The following PCDHA4 variants were observed in gnomAD, a reference collection of about 807,000 sequenced individuals.
PCDHA4 encodes the protein protocadherin alpha-4.
Under a neutral mutation model 61.4 loss-of-function variants are expected in PCDHA4, and 49 were observed. That is an observed-to-expected ratio of 0.80 (90% CI 0.63 to 1.01). The LOEUF (loss-of-function observed/expected upper bound fraction) is 1.01. PCDHA4 is among the 50% of genes least tolerant of loss of function. The pLI is 0.00. For synonymous variants in PCDHA4, 590 were observed against 550.3 expected (o/e 1.07, Z -1.01); for missense variants, 1,254 against 1,235.8 (o/e 1.01, Z -0.22).
intron 1 of PCDHA4, chr5:140,857,554 G>C: frequency 1.3e-6 from 2 of 1,596,880 alleles, no homozygotes; most frequent in Non-Finnish European, 1.7e-6. Flanking sequence ...GCGAGCGCTC[G>C]CTGTCGAGCT....
At chr5:140,883,522 A>G in intron 1 of PCDHA4, 1 of 1,614,220 alleles carries the variant, frequency 6.2e-7, no homozygotes, top group Middle Eastern at 1.7e-4. Flanking sequence ...GCGAGAGCGT[A>G]TCAGCCTATG....
chr5:140,871,692 C>T, intron 1 of PCDHA4: 1 of 997,192 alleles, frequency 1.0e-6, no homozygotes, highest in Non-Finnish European at 1.4e-6. Flanking sequence ...AATCTGGCTT[C>T]TTTAACCAAT....
At chr5:140,851,402 T>C (rs2042052947) in intron 1 of PCDHA4, 2 of 969,750 alleles carry the variant, frequency 2.1e-6, no homozygotes. Flanking sequence ...ATTATTTTAA[T>C]AAGAAAGAAA....
In PCDHA4 at chr5:140,929,533, A is replaced by G; in HGVS notation, c.2386-49416A>G. 8.5e-6 allele frequency: 5 copies of G among 588,644 alleles called. No individual in the cohort carries two copies. The East Asian group carries it at 1.3e-4, about 16-fold the overall frequency. The allele number at this position is 588,644 out of a possible 1,614,324, so 36.5% of individuals were successfully genotyped here. The stretch of plus-strand genomic sequence containing the variant: ...AAGGGACTTATAGTTTATTTTTGAG[A>G]AACAAGGGCAAAAATTAAAACCTAT... On this transcript the variant is annotated intron_variant, in intron 1 of 3. Coordinates refer to ENST00000530339, the MANE Select transcript of PCDHA4 (RefSeq NM_018907.4).
Position 140,904,868 on chromosome 5 carries a change from C to T in PCDHA4, c.2386-74081C>T, listed in dbSNP as rs188578381. 2.9e-3 allele frequency among the ~76,000 whole-genome samples: 446 copies of T among 152,022 alleles called. 2 individuals are homozygous for T. Among genetic ancestry groups the T allele is most frequent in the Middle Eastern group, 0.014 (4 of 294 alleles). Reference sequence around the variant, plus strand: ...TCTTCTGAGAATTGTCTGTTTATGTCCTTAGCTCACTTTTTGATGGGATTT... The same window carrying T: ...TCTTCTGAGAATTGTCTGTTTATGTTCTTAGCTCACTTTTTGATGGGATTT... On this transcript the variant is annotated intron_variant, in intron 1 of 3. Transcript: ENST00000530339.
intron 1 of PCDHA4, chr5:140,876,005 T>C: frequency 6.2e-7 from 1 of 1,613,854 alleles, no homozygotes; most frequent in African/African-American, 1.3e-5. Context: ...AATGAGAATT[T>C]TGAGCTTAAA....
At chr5:140,882,940 C>T (rs1554176179) in intron 1 of PCDHA4, 2 of 1,614,208 alleles carry the variant, frequency 1.2e-6, no homozygotes, top group Admixed American at 3.3e-5. Flanking sequence ...AGCTGACTGG[C>T]ACAGTTCAGC....
rs1562723002 is a variant in PCDHA4, at chr5:140,876,958, G to C, written c.2385+67386G>C. 3 of 1,613,288 alleles carry C rather than the reference G, an allele frequency of 1.9e-6. No individual in the cohort carries two copies. The East Asian group carries it at 6.7e-5, about 36-fold the overall frequency. On this transcript the variant is annotated intron_variant, in intron 1 of 3. Transcript: ENST00000530339. ...CGCGCTGGTGTCCTACTCGCTGGTG[G>C]AGCGGCGGGTGGGCGAGCACGCACT...
intron 1 of PCDHA4, chr5:140,812,553 TGTTAA>T (rs1226442565): frequency 6.6e-6 from 1 of 152,168 alleles, no homozygotes; most frequent in Non-Finnish European, 1.5e-5. Context: ...TTCCTTGAGT[TGTTAA>T]GTTTTTTATT....
At chr5:140,832,932 A>G (rs2150205265) in intron 1 of PCDHA4, among the ~76,000 whole-genome samples, 5 of 152,204 alleles carry the variant, frequency 3.3e-5, no homozygotes, top group Non-Finnish European at 7.4e-5. Flanking sequence ...ATTCATGAGA[A>G]GAGAGTAACT....
At position 141,009,660 on chromosome 5, in the gene PCDHA4, G is replaced by C; in HGVS notation, c.2567G>C (p.Gly856Ala). 7 of 1,614,084 alleles carry C rather than the reference G, an allele frequency of 4.3e-6. No homozygotes were observed. Among genetic ancestry groups the C allele is most frequent in the Non-Finnish European group, 5.9e-6 (7 of 1,180,030 alleles). Residue 856 changes from glycine (G) to alanine (A), a missense_variant, in exon 4 of 4, where the codon GGT becomes GCT. Physicochemically the swap from Gly to Ala is moderately conservative, Grantham distance 60 (BLOSUM62 0). Coordinates refer to ENST00000530339, the MANE Select transcript of PCDHA4 (RefSeq NM_018907.4). ...PEAGEVSPPV[G>A]AGVNSNSWTF... ...GCAGGAGAAGTGTCCCCTCCAGTCGGTGCGGGTGTCAACAGCAACAGCTGG... is the reference window on the plus strand; with the variant it reads ...GCAGGAGAAGTGTCCCCTCCAGTCGCTGCGGGTGTCAACAGCAACAGCTGG...
chr5:140,876,206 C>A, intron 1 of PCDHA4: 1 of 1,613,864 alleles, frequency 6.2e-7, no homozygotes, highest in Non-Finnish European at 8.5e-7. Flanking sequence ...TTTGATAAGC[C>A]CAGCTATAAA....
chr5:140,920,180 T>C (rs1386784105), intron 1 of PCDHA4, among the ~76,000 whole-genome samples: 1 of 152,198 alleles, frequency 6.6e-6, no homozygotes, highest in Admixed American at 6.5e-5. Context: ...ACCCAGTGTG[T>C]AGTAATTTGT....
chr5:140,869,210 C>T (rs781978731), intron 1 of PCDHA4: 2 of 1,613,814 alleles, frequency 1.2e-6, no homozygotes, highest in African/African-American at 2.7e-5. Context: ...TACTCCGTCT[C>T]GGAGGAGGCC....
chr5:140,920,583 C>A (rs1287573835), intron 1 of PCDHA4, among the ~76,000 whole-genome samples: 1 of 152,106 alleles, frequency 6.6e-6, no homozygotes, highest in African/African-American at 2.4e-5. Context: ...CAGTGGCTCA[C>A]GCCTGTAATC....
intron 1 of PCDHA4, among the ~76,000 whole-genome samples, chr5:140,879,660 G>A (rs994440632): frequency 1.3e-5 from 2 of 152,154 alleles, no homozygotes; most frequent in East Asian, 1.9e-4. Flanking sequence ...TATAACAAAC[G>A]AACACAAACT....
intron 1 of PCDHA4, chr5:140,851,374 C>A: frequency 4.1e-6 from 4 of 975,728 alleles, no homozygotes; most frequent in Non-Finnish European, 5.0e-6. Flanking sequence ...TCTGATTGTT[C>A]AGCAACCTTC....
chr5:140,884,441 GCACCGCCCACCGAGGGC>G (rs782266354), intron 1 of PCDHA4: 1 of 1,613,812 alleles, frequency 6.2e-7, no homozygotes, highest in Non-Finnish European at 8.5e-7. Flanking sequence ...GCGGTGCTCG[GCACCGCCCACCGAGGGC>G]GCGTGCGCGC....
At position 140,836,922 on chromosome 5, in the gene PCDHA4, A is replaced by T; in HGVS notation, c.2385+27350A>T. On this transcript the variant is annotated intron_variant, in intron 1 of 3. Coordinates refer to ENST00000530339, the MANE Select transcript of PCDHA4 (RefSeq NM_018907.4). ...GTTTAATATACACTTTTGTTTTGGGATGCGTAATACTATAGATCAAAATCT... is the reference window on the plus strand; with the variant it reads ...GTTTAATATACACTTTTGTTTTGGGTTGCGTAATACTATAGATCAAAATCT... The T allele has an allele frequency of 5.6e-6, 3 of 537,660 alleles. No homozygotes were observed. In the South Asian group the frequency reaches 9.2e-5, roughly 16 times the overall value. 33.3% of individuals were successfully genotyped at this position (537,660 alleles called of 1,614,324 possible). A position where few individuals can be genotyped will look rare whatever the true frequency, so the allele number is the denominator to read the frequency against.
Sources: allele counts gnomAD v4.1 joint callset (sites outside exome capture counted in the v4.1 genomes callset), GRCh38; gene constraint gnomAD v4.1.1; transcripts MANE v1.5; gene names NCBI Gene and HGNC (gene_info 2026-07-23, HGNC 2026-07-21).